The following CFAP99 variants were observed in gnomAD, a reference collection of about 807,000 sequenced individuals.
CFAP99 encodes the protein cilia and flagella associated protein 99, also known as cilia- and flagella-associated protein 99.
CFAP99 carries 84 observed loss-of-function variants against 82.7 expected under a neutral mutation model. That is an observed-to-expected ratio of 1.02 (90% confidence interval 0.85 to 1.22). CFAP99 has a LOEUF of 1.22. Among genes scored for constraint, CFAP99 ranks in the 50% most tolerant of loss-of-function variants. The probability of loss-of-function intolerance (pLI) is 0.00; values close to 1 mark genes in which losing one functional copy is unlikely to be tolerated. For synonymous variants in CFAP99, 456 were observed against 429.5 expected, an observed-to-expected ratio of 1.06 and a Z score of -0.76; for missense variants, 1,059 against 983.5, an observed-to-expected ratio of 1.08 and a Z score of -1.03.
Position 2,462,302 on chromosome 4 carries a change from G to C in CFAP99, c.1662-141G>C. The C allele has an allele frequency of 1.2e-6, 1 of 819,140 alleles. No homozygotes were observed. The allele number at this position is 819,140 out of a possible 1,614,324, so 50.7% of individuals were successfully genotyped here. ...GAGCGCGCCGCGGCCCCTGGGCCTC[G>C]CTGTCTGTCCTAAATCATTCCGGTG... is the stretch of plus-strand genomic sequence containing the variant. On this transcript the variant is annotated intron_variant, in intron 14 of 14. Transcript: ENST00000635017. This position sits in a 1 kb window ranked among gnomAD's most constrained non-coding sequence, Gnocchi z 4.1.
At chr4:2,445,709 T>C (rs1734148294) in intron 6 of CFAP99, among the ~76,000 whole-genome samples, 1 of 152,222 alleles carries the variant, frequency 6.6e-6, no homozygotes, top group African/African-American at 2.4e-5. Context: ...TCTTCCTCTC[T>C]TTCTTTCTCT....
chr4:2,430,215 C>T (rs946998254), intron 2 of CFAP99, among the ~76,000 whole-genome samples: 10 of 136,002 alleles, frequency 7.4e-5, no homozygotes, highest in Non-Finnish European at 1.6e-4. Flanking sequence ...CTCCGGACAG[C>T]GGACTGCGGT....
At chr4:2,421,011 C>T (rs1733573583) in intron 1 of CFAP99, among the ~76,000 whole-genome samples, 1 of 152,200 alleles carries the variant, frequency 6.6e-6, no homozygotes, top group Non-Finnish European at 1.5e-5. Context: ...TTCAATTGGG[C>T]AGCAGTAGAC....
chr4:2,430,795 A>G (rs1733783774), intron 2 of CFAP99, among the ~76,000 whole-genome samples: 2 of 152,206 alleles, frequency 1.3e-5, no homozygotes, highest in Admixed American at 6.5e-5. Context: ...AAAATGAGCC[A>G]GGCATGGTGG....
intron 6 of CFAP99, among the ~76,000 whole-genome samples, chr4:2,447,143 C>G (rs1256242551): frequency 2.8e-5 from 4 of 144,262 alleles, no homozygotes; most frequent in Non-Finnish European, 6.1e-5. Flanking sequence ...GATAGATGAT[C>G]AGATGGGTAG....
chr4:2,444,113 G>T (rs1282580562), intron 5 of CFAP99, among the ~76,000 whole-genome samples: 1 of 152,146 alleles, frequency 6.6e-6, no homozygotes, highest in Non-Finnish European at 1.5e-5. Context: ...CCAAGGGGAA[G>T]TCCCCAGTCC....
rs1467968468 is a variant in CFAP99, at chr4:2,462,882, G to C, written c.2101G>C (p.Gly701Arg). The C allele has an allele frequency of 2.2e-6, 3 of 1,381,642 alleles. No homozygotes were observed. Among genetic ancestry groups the C allele is most frequent in the Non-Finnish European group, 1.9e-6 (2 of 1,067,678 alleles). 85.6% of individuals were successfully genotyped at this position (1,381,642 alleles called of 1,614,324 possible). Reference sequence around the variant, plus strand: ...GCGCAGGCTGCAGGCGCTGCAGCAGGGAGGCTCAGGACCCGGGCCCGCGCG... The same window carrying C: ...GCGCAGGCTGCAGGCGCTGCAGCAGCGAGGCTCAGGACCCGGGCCCGCGCG... The change falls in exon 15 of 15, where the codon GGA becomes CGA. Residue 701 changes from glycine (G) to arginine (R), a missense_variant. Gly to Arg is a moderately radical substitution (Grantham distance 125). Transcript: ENST00000635017. This position sits in a 1 kb window ranked among gnomAD's most constrained non-coding sequence, Gnocchi z 4.1.
intron 11 of CFAP99, among the ~76,000 whole-genome samples, chr4:2,458,236 C>T (rs1734481520): frequency 6.6e-6 from 1 of 152,174 alleles, no homozygotes; most frequent in African/African-American, 2.4e-5. Context: ...ACTTTCTTCA[C>T]CTCATATTTC....
intron 5 of CFAP99, 61 bp downstream of exon 5, chr4:2,443,303 TC>T: frequency 9.4e-7 from 1 of 1,063,516 alleles, no homozygotes; most frequent in African/African-American, 1.6e-5. Context: ...TCCAGGTGCC[TC>T]CACGGGCACG....
At chr4:2,443,268 G>T in intron 5 of CFAP99, 26 bp downstream of exon 5, 1 of 1,426,566 alleles carries the variant, frequency 7.0e-7, no homozygotes, top group Non-Finnish European at 9.5e-7. Context: ...GGCTCTGGGG[G>T]CCCTGAATGG....
rs1340376843 is a variant in CFAP99 at position 2,462,422 on chromosome 4, G to A, written c.1662-21G>A. The A allele has an allele frequency of 1.4e-6, 2 of 1,412,094 alleles. No homozygotes were observed. The highest frequency in any genetic ancestry group is 1.8e-6 in the Non-Finnish European group (2 of 1,096,466). The allele number at this position is 1,412,094 out of a possible 1,614,324, so 87.5% of individuals were successfully genotyped here. ...GGGCCTCCCGCCGGCCTGCTCCTGA[G>A]CCCGCCGCGTCGCCCGCCAGGTGGG... On this transcript the variant is annotated intron_variant, in intron 14 of 14. Coordinates refer to ENST00000635017, the Ensembl canonical transcript of CFAP99. This position sits in a 1 kb window ranked among gnomAD's most constrained non-coding sequence, Gnocchi z 4.1.
chr4:2,428,112 T>A (rs1733722576), intron 2 of CFAP99: 1 of 152,764 alleles, frequency 6.5e-6, no homozygotes, highest in South Asian at 2.1e-4. Context: ...CACACTCCTC[T>A]TCCCAGCTAA....
intron 4 of CFAP99, among the ~76,000 whole-genome samples, chr4:2,442,542 G>C (rs542342404): frequency 6.6e-6 from 1 of 152,056 alleles, no homozygotes; most frequent in African/African-American, 2.4e-5. Context: ...CATTACCCCC[G>C]CTCAGCCCGT....
chr4:2,443,227 T>C (rs1734091702), exon 5 of CFAP99: 1 of 1,534,830 alleles, frequency 6.5e-7, no homozygotes, highest in Non-Finnish European at 8.7e-7. Context: ...GAGAACTGGA[T>C]CGACCCCCTG....
At chr4:2,426,150 G>C (rs1347628339) in intron 1 of CFAP99, among the ~76,000 whole-genome samples, 1 of 152,196 alleles carries the variant, frequency 6.6e-6, no homozygotes, top group Non-Finnish European at 1.5e-5. Flanking sequence ...GGGGCACTCG[G>C]CCAGCTTCGG....
intron 11 of CFAP99, among the ~76,000 whole-genome samples, chr4:2,453,474 C>T (rs1036543964): frequency 6.6e-6 from 1 of 152,168 alleles, no homozygotes; most frequent in Non-Finnish European, 1.5e-5. Context: ...GGTACTTTTA[C>T]CATCTTCACT....
chr4:2,458,652 G>C (rs1734492499), intron 11 of CFAP99, 71 bp from the exon 12 acceptor site: 2 of 1,484,192 alleles, frequency 1.3e-6, no homozygotes, highest in Admixed American at 4.3e-5. Context: ...GCTGCGCCCT[G>C]GGCTGGGGCG....
At chr4:2,458,842 C>G in exon 12 of CFAP99, 1 of 1,535,544 alleles carries the variant, frequency 6.5e-7, no homozygotes, top group Non-Finnish European at 8.7e-7. Flanking sequence ...AGACGAAGCT[C>G]GCGAAGGGCC....
intron 11 of CFAP99, among the ~76,000 whole-genome samples, chr4:2,452,831 G>A (rs973347575): frequency 6.6e-6 from 1 of 152,224 alleles, no homozygotes; most frequent in Non-Finnish European, 1.5e-5. Context: ...AGGAGGCCAA[G>A]GCCAGAAGAT....
Sources: gnomAD v4.1 joint callset for allele counts (sites outside exome capture counted in the v4.1 genomes callset) on GRCh38, gnomAD v4.1.1 for gene constraint, Gnocchi (gnomAD v3.1) non-coding constraint, MANE v1.5 for transcripts, NCBI Gene and HGNC (gene_info 2026-07-23, HGNC 2026-07-21) for gene names.